The following ACP3 variants were observed in gnomAD, a reference collection of about 807,000 sequenced individuals.
ACP3 encodes the protein prostatic acid phosphatase.
ACP3 carries 38 observed loss-of-function variants against 45.6 expected under a neutral mutation model. The ratio of observed to expected loss-of-function variants is 0.83; its 90% CI spans 0.64 to 1.09. ACP3 has a LOEUF of 1.09. Ranked by LOEUF, ACP3 falls within the 50% of genes least tolerant of loss-of-function variation. The pLI is 0.00. For missense variants in ACP3, 466 were observed against 463.2 expected (o/e 1.01, Z -0.05); for synonymous variants, 162 against 164.7 (o/e 0.98, Z 0.13).
Position 132,358,340 on chromosome 3 carries a change from G to A in ACP3, c.*1462G>A, listed in dbSNP as rs971183742. ...ATTGGAATGTTGAGAGTGTGGTTAC[G>A]AAATACGTTAGGAGGACAAAAGGAA... On this transcript the variant is annotated 3_prime_UTR_variant, in exon 10 of 10. Transcript: ENST00000336375. The A allele has an allele frequency of 2.6e-5, 29 of 1,112,880 alleles. No homozygotes were observed. Among genetic ancestry groups the A allele is most frequent in the South Asian group, 4.2e-5 (2 of 47,710 alleles). The allele number at this position is 1,112,880 out of a possible 1,614,324, so 68.9% of individuals were successfully genotyped here. A position where few individuals can be genotyped will look rare whatever the true frequency, so the allele number is the denominator to read the frequency against.
intron 4 of ACP3, among the ~76,000 whole-genome samples, chr3:132,334,026 G>A (rs922146981): frequency 2.6e-5 from 4 of 152,106 alleles, no homozygotes; most frequent in East Asian, 1.9e-4. Flanking sequence ...AGCCAAGATC[G>A]CACCGTTGCA....
Position 132,345,039 on chromosome 3 carries a change from A to C in ACP3, c.761A>C (p.Glu254Ala). 1 of 1,613,580 alleles carries C rather than the reference A, an allele frequency of 6.2e-7. No homozygotes were observed. The change falls in exon 7 of 10, where the codon GAG becomes GCG. Residue 254 changes from glutamate (E) to alanine (A), a missense_variant. By Grantham distance (107) the Glu-to-Ala change is moderately radical (BLOSUM62 -1). Coordinates refer to ENST00000336375, the MANE Select transcript of ACP3 (RefSeq NM_001099.5). ...LSLYGIHKQK[E>A]KSRLQGGVLV... ...CTCTATGGAATTCACAAGCAGAAAGAGAAATCTAGGCTCCAAGGGGGTAAG... is the reference window on the plus strand; with the variant it reads ...CTCTATGGAATTCACAAGCAGAAAGCGAAATCTAGGCTCCAAGGGGGTAAG...
In ACP3 at chr3:132,358,595, T is replaced by C; in HGVS notation, c.*1717T>C. 2 of 1,103,814 alleles carry C rather than the reference T, an allele frequency of 1.8e-6. No individual in the cohort carries two copies. Among genetic ancestry groups the C allele is most frequent in the Non-Finnish European group, 1.1e-6 (1 of 886,524 alleles). 68.4% of individuals were successfully genotyped at this position (1,103,814 alleles called of 1,614,324 possible). ...AGAGCAAAGCCATCCCCGCTCCTGG[T>C]TGGTCACAGAATGACTGACAAAGAC... On this transcript the variant is annotated 3_prime_UTR_variant, in exon 10 of 10. Coordinates refer to ENST00000336375, the MANE Select transcript of ACP3 (RefSeq NM_001099.5).
At chr3:132,327,950 A>C (rs1372027371) in intron 1 of ACP3, among the ~76,000 whole-genome samples, 1 of 152,166 alleles carries the variant, frequency 6.6e-6, no homozygotes, top group Admixed American at 6.5e-5. Flanking sequence ...CCTGCCTTCT[A>C]ATGGCTGATC....
rs974244952 is a variant in ACP3, at chr3:132,337,466, T to C, written c.467T>C (p.Leu156Pro). ...VPLSEDQLLY[L>P]PFRNCPRFQE... ...TTCTCTTATCCTCAGTTGCTATACCTGCCTTTCAGGAACTGCCCTCGTTTT... is the reference window on the plus strand; with the variant it reads ...TTCTCTTATCCTCAGTTGCTATACCCGCCTTTCAGGAACTGCCCTCGTTTT... The change falls in exon 5 of 10, where the codon CTG becomes CCG. Residue 156 changes from leucine (L) to proline (P), a missense_variant. Physicochemically the swap from Leu to Pro is moderately conservative, Grantham distance 98. Coordinates refer to ENST00000336375, the MANE Select transcript of ACP3 (RefSeq NM_001099.5). 8.1e-6 allele frequency: 13 copies of C among 1,608,208 alleles called. No homozygotes were observed. The highest frequency in any genetic ancestry group is 8.5e-6 in the Non-Finnish European group (10 of 1,175,566).
In ACP3 at chr3:132,324,554, C is replaced by T. The variant is rs113474456; in HGVS notation, c.121-3713C>T. On this transcript the variant is annotated intron_variant, in intron 1 of 9. Coordinates refer to ENST00000336375, the MANE Select transcript of ACP3 (RefSeq NM_001099.5). ...GCAGTAGTGCCAACCTGTCCTCAGA[C>T]GGGGATGTAATAATTAAAAGAGGTA... Among the ~76,000 whole-genome samples the T allele has an allele frequency of 9.3e-3, 1,419 of 152,216 alleles. 29 individuals are homozygous for T. The highest frequency in any genetic ancestry group is 0.032 in the African/African-American group (1,328 of 41,520).
At chr3:132,328,438 G>A in intron 2 of ACP3, 76 bp downstream of exon 2, 7 of 1,270,626 alleles carry the variant, frequency 5.5e-6, no homozygotes, top group Non-Finnish European at 7.9e-6. Context: ...CAGCACTTTG[G>A]GAGGCCGAGG....
At chr3:132,354,343 A>T (rs1036397484) in intron 9 of ACP3, among the ~76,000 whole-genome samples, 1 of 151,888 alleles carries the variant, frequency 6.6e-6, no homozygotes, top group African/African-American at 2.4e-5. Flanking sequence ...ATTTTCTCCC[A>T]CTGAATTGCC....
intron 9 of ACP3, among the ~76,000 whole-genome samples, chr3:132,354,712 T>G (rs1044941543): frequency 1.3e-5 from 2 of 152,250 alleles, no homozygotes; most frequent in Non-Finnish European, 2.9e-5. Flanking sequence ...CTTTTCAGGT[T>G]GTAGAAAAGG....
At chr3:132,348,296 T>G (rs17831454) in intron 7 of ACP3, among the ~76,000 whole-genome samples, 72,198 of 151,974 alleles carry the variant, frequency 0.48, 17,957 homozygotes, top group Middle Eastern at 0.66. Context: ...CGATAGCATG[T>G]TCTAATGATT....
intron 8 of ACP3, 109 bp from the exon 9 acceptor site, chr3:132,352,611 C>T (rs569648507): frequency 2.7e-6 from 2 of 747,576 alleles, no homozygotes; most frequent in African/African-American, 1.7e-5. Context: ...TCATTGTGGG[C>T]GTATGGGAAA....
intron 7 of ACP3, 141 bp from the exon 8 acceptor site, chr3:132,349,779 A>G (rs1937677365): frequency 4.8e-6 from 3 of 630,536 alleles, no homozygotes; most frequent in Admixed American, 5.6e-5. Flanking sequence ...CACAGAGCAG[A>G]TGCTCAATAA....
Position 132,331,697 on chromosome 3 carries a change from T to C in ACP3, c.267T>C (p.Tyr89=), listed in dbSNP as rs201674797. The part of the protein sequence containing the change: ...YELGEYIRKR[Y]RKFLNESYKH... Reference sequence around the variant, plus strand: ...TTGGAGAGTATATAAGAAAGAGATATAGAAAATTCTTGAATGAGTCCTATA... The same window carrying C: ...TTGGAGAGTATATAAGAAAGAGATACAGAAAATTCTTGAATGAGTCCTATA... Residue 89 remains tyrosine (Y), a synonymous_variant, in exon 3 of 10, where the codon TAT becomes TAC. Transcript: ENST00000336375. 9.9e-6 allele frequency: 16 copies of C among 1,608,622 alleles called. No individual in the cohort carries two copies. The highest frequency in any genetic ancestry group is 4.0e-5 in the African/African-American group (3 of 74,700).
intron 1 of ACP3, among the ~76,000 whole-genome samples, chr3:132,320,652 G>GGT (rs1559826537): frequency 7.5e-6 from 1 of 133,048 alleles, no homozygotes; most frequent in Non-Finnish European, 1.6e-5. Flanking sequence ...ATATTCTTGG[G>GGT]TTTTTTTTTT....
At chr3:132,328,942 A>C (rs1268540594) in intron 2 of ACP3, among the ~76,000 whole-genome samples, 1 of 152,232 alleles carries the variant, frequency 6.6e-6, no homozygotes, top group African/African-American at 2.4e-5. Context: ...GGGAAACATG[A>C]TTCCCCAAAG....
At chr3:132,330,072 C>A (rs752620231) in intron 2 of ACP3, among the ~76,000 whole-genome samples, 7 of 151,956 alleles carry the variant, frequency 4.6e-5, no homozygotes, top group Non-Finnish European at 1.0e-4. Context: ...GAGAGCACCA[C>A]CACGCCTGGC....
rs761344262 is a variant in ACP3 at position 132,331,632 on chromosome 3, A to AT, written c.217-8dup. On this transcript the variant is annotated splice_polypyrimidine_tract_variant and intron_variant, in intron 2 of 9. Coordinates refer to ENST00000336375, the MANE Select transcript of ACP3 (RefSeq NM_001099.5). ...CTTACTTTCATTAATTTTTGCTTTT[A>AT]TTTTTTTCCCATAGCTGGGCATGGA... The AT allele has an allele frequency of 3.2e-6, 5 of 1,568,388 alleles. No individual in the cohort carries two copies. The Admixed American group carries it at 6.5e-5, about 21-fold the overall frequency.
chr3:132,344,092 A>G (rs11714900), intron 6 of ACP3, among the ~76,000 whole-genome samples: 17,940 of 152,178 alleles, frequency 0.12, 1,343 homozygotes, highest in Non-Finnish European at 0.18. Flanking sequence ...AGCCTGGCCA[A>G]CATGGCGAAA....
At chr3:132,366,006 A>G (rs1938126026) in intron 10 of ACP3, among the ~76,000 whole-genome samples, 1 of 150,014 alleles carries the variant, frequency 6.7e-6, no homozygotes, top group African/African-American at 2.5e-5. Context: ...AAAAAAAAGG[A>G]TTGTGGCCTT....
Sources: allele counts gnomAD v4.1 joint callset (sites outside exome capture counted in the v4.1 genomes callset), GRCh38; gene constraint gnomAD v4.1.1; transcripts MANE v1.5; gene names NCBI Gene and HGNC (gene_info 2026-07-23, HGNC 2026-07-21).